Variants in SLC6A6 observed in about 807,000 individuals in gnomAD.
The protein encoded by SLC6A6 is solute carrier family 6 member 6.
SLC6A6 carries 16 observed loss-of-function variants against 68.8 expected under a neutral mutation model. The observed-to-expected ratio is 0.23, with a 90% confidence interval of 0.16 to 0.35. The LOEUF is 0.35. Ranked by LOEUF, SLC6A6 falls within the 10% of genes least tolerant of loss-of-function variation. The pLI is 1.00. For synonymous variants in SLC6A6, 312 were observed against 315.4 expected (o/e 0.99, Z 0.12); for missense variants, 474 against 802.8 (o/e 0.59, Z 4.95).
intron 3 of SLC6A6, 118 bp downstream of exon 3, chr3:14,443,981 G>T: frequency 1.4e-6 from 1 of 691,264 alleles, no homozygotes; most frequent in South Asian, 1.7e-5. Context: ...CCCCCCCCTT[G>T]ACCTCCATGA....
intron 6 of SLC6A6, among the ~76,000 whole-genome samples, chr3:14,465,040 C>T (rs745851718): frequency 7.9e-5 from 12 of 152,204 alleles, no homozygotes; most frequent in Admixed American, 1.3e-4. Context: ...TGTAAACCAC[C>T]GTCCTGGGGG....
intron 2 of SLC6A6, among the ~76,000 whole-genome samples, chr3:14,417,696 C>T (rs574423792): frequency 2.7e-4 from 41 of 149,482 alleles, no homozygotes; most frequent in African/African-American, 9.7e-4. Context: ...CGTGCCACTG[C>T]ACTCCAGCCT....
intron 4 of SLC6A6, among the ~76,000 whole-genome samples, chr3:14,447,221 TATCC>T (rs3836358): frequency 0.033 from 4,987 of 149,440 alleles, 195 homozygotes; most frequent in African/African-American, 0.095. Flanking sequence ...TCTATTCAGC[TATCC>T]ATCCATCCAT....
At chr3:14,415,240 C>G (rs1699336763) in intron 1 of SLC6A6, among the ~76,000 whole-genome samples, 1 of 152,246 alleles carries the variant, frequency 6.6e-6, no homozygotes, top group Non-Finnish European at 1.5e-5. Flanking sequence ...TGTTCCTACT[C>G]CACAGTGCCT....
At chr3:14,416,311 C>T (rs908373659) in intron 1 of SLC6A6, 101 bp from the exon 2 acceptor site, 2 of 397,934 alleles carry the variant, frequency 5.0e-6, no homozygotes, top group Non-Finnish European at 8.9e-6. Flanking sequence ...CCAGCACACA[C>T]GTCTGGTGGT....
chr3:14,469,096 C>T (rs1700694453), intron 9 of SLC6A6, among the ~76,000 whole-genome samples: 2 of 152,082 alleles, frequency 1.3e-5, no homozygotes, highest in Admixed American at 1.3e-4. Context: ...TTATGGGATT[C>T]CCTCAGGCTC....
chr3:14,484,365 T>G (rs1701086425), intron 14 of SLC6A6, among the ~76,000 whole-genome samples: 1 of 152,220 alleles, frequency 6.6e-6, no homozygotes, highest in South Asian at 2.1e-4. Flanking sequence ...AGGGAAGACC[T>G]GTCTCTGCAA....
At chr3:14,410,286 A>C (rs1358938980) in intron 1 of SLC6A6, among the ~76,000 whole-genome samples, 1 of 150,432 alleles carries the variant, frequency 6.6e-6, no homozygotes, top group Non-Finnish European at 1.5e-5. Context: ...CTTGACAGGG[A>C]GGGATTTAAG....
chr3:14,454,542 C>T (rs887955331), intron 5 of SLC6A6, among the ~76,000 whole-genome samples: 2 of 152,066 alleles, frequency 1.3e-5, no homozygotes, highest in East Asian at 1.9e-4. Context: ...CATGGCTGCC[C>T]GAGATGTCTT....
chr3:14,469,579 G>A (rs537573906), intron 9 of SLC6A6, among the ~76,000 whole-genome samples: 1 of 152,292 alleles, frequency 6.6e-6, no homozygotes, highest in East Asian at 1.9e-4. Flanking sequence ...CTACAACAGG[G>A]CTTTCTGAAC....
chr3:14,445,709 C>T lies in SLC6A6; in HGVS notation c.230-8C>T. 6.2e-7 allele frequency: 1 copy of T among 1,614,080 alleles called. No homozygotes were observed. The highest frequency in any genetic ancestry group is 2.2e-5 in the East Asian group (1 of 44,872). ...CAGCCTCACTTTTGCCCATTCTGCTCTCTGCAGGTGCGTTTCTCATACCGT... is the reference window on the plus strand; with the variant it reads ...CAGCCTCACTTTTGCCCATTCTGCTTTCTGCAGGTGCGTTTCTCATACCGT... On this transcript the variant is annotated splice_polypyrimidine_tract_variant and splice_region_variant and intron_variant, in intron 3 of 14. Coordinates refer to ENST00000622186, the MANE Select transcript of SLC6A6 (RefSeq NM_003043.6).
rs1021784268 is a variant in SLC6A6 at position 14,485,156 on chromosome 3, G to A, written c.*149G>A. On this transcript the variant is annotated 3_prime_UTR_variant, in exon 15 of 15. Coordinates refer to ENST00000622186, the MANE Select transcript of SLC6A6 (RefSeq NM_003043.6). ...AAAATGTAATTGTGGGTATGTGTGC[G>A]TGCGTGTGTGTGTGTGTGTGTATCG... The A allele has an allele frequency of 2.5e-4, 141 of 553,134 alleles. No individual in the cohort carries two copies. The highest frequency in any genetic ancestry group is 1.4e-3 in the East Asian group (47 of 32,982). 34.3% of individuals were successfully genotyped at this position (553,134 alleles called of 1,614,324 possible). A position where few individuals can be genotyped will look rare whatever the true frequency, so the allele number is the denominator to read the frequency against.
intron 2 of SLC6A6, among the ~76,000 whole-genome samples, chr3:14,427,343 G>A (rs528178398): frequency 5.9e-5 from 9 of 152,260 alleles, no homozygotes; most frequent in African/African-American, 2.2e-4. Context: ...ACCCTGTGAG[G>A]TCGATGCCAT....
rs555987861 is a variant in SLC6A6, at chr3:14,465,987, C to T, written c.733-529C>T. 1.5e-3 allele frequency among the ~76,000 whole-genome samples: 233 copies of T among 152,224 alleles called. 1 individual carries two copies. The highest frequency in any genetic ancestry group is 5.2e-3 in the African/African-American group (216 of 41,528). On this transcript the variant is annotated intron_variant, in intron 6 of 14. Coordinates refer to ENST00000622186, the MANE Select transcript of SLC6A6 (RefSeq NM_003043.6). ...TCAGTAAATCTGTGAGGTGGGCTGGCGCTGTGGCTCATGCCTATAATCCCA... is the reference window on the plus strand; with the variant it reads ...TCAGTAAATCTGTGAGGTGGGCTGGTGCTGTGGCTCATGCCTATAATCCCA...
intron 2 of SLC6A6, among the ~76,000 whole-genome samples, chr3:14,439,888 T>C (rs1286912502): frequency 6.6e-6 from 1 of 152,052 alleles, no homozygotes; most frequent in Non-Finnish European, 1.5e-5. Flanking sequence ...GAGGCTAAGC[T>C]CCTAAGGGTT....
At chr3:14,435,379 TG>T (rs1699829046) in intron 2 of SLC6A6, among the ~76,000 whole-genome samples, 1 of 152,084 alleles carries the variant, frequency 6.6e-6, no homozygotes, top group Non-Finnish European at 1.5e-5. Flanking sequence ...CGTACTTTGG[TG>T]GGGTGGAGGT....
chr3:14,443,231 G>A (rs1488294211), intron 2 of SLC6A6, among the ~76,000 whole-genome samples: 2 of 152,134 alleles, frequency 1.3e-5, no homozygotes, highest in East Asian at 3.8e-4. Context: ...ACTGCTTGCA[G>A]GCTGTTATTT....
Position 14,450,138 on chromosome 3 carries a change from C to A in SLC6A6, c.599+2322C>A, listed in dbSNP as rs1700222529. On this transcript the variant is annotated intron_variant, in intron 5 of 14. Transcript: ENST00000622186. The surrounding 1 kb of genome is among the most constrained non-coding windows in gnomAD (Gnocchi z 4.1). ...TTTGTGTGTTATGAACTTAAAGAAT[C>A]ACCCCCTATTGTAAAGGGGTCATCC... Among the ~76,000 whole-genome samples, 1 of 152,074 alleles carries A rather than the reference C, an allele frequency of 6.6e-6. No homozygotes were observed. Among genetic ancestry groups the A allele is most frequent in the Non-Finnish European group, 1.5e-5 (1 of 68,010 alleles).
In SLC6A6 at chr3:14,486,918, C is replaced by T. The variant is rs1477358181; in HGVS notation, c.*1911C>T. ...TATTCCAAACTCTCAACGATTCTAT[C>T]TTGTTCCTGTTTTTCTATGTATTTA... On this transcript the variant is annotated 3_prime_UTR_variant, in exon 15 of 15. Coordinates refer to ENST00000622186, the MANE Select transcript of SLC6A6 (RefSeq NM_003043.6). 1 of 152,298 alleles carries T rather than the reference C, an allele frequency of 6.6e-6. No individual in the cohort carries two copies. Among genetic ancestry groups the T allele is most frequent in the African/African-American group, 2.4e-5 (1 of 41,448 alleles). 9.4% of individuals were successfully genotyped at this position (152,298 alleles called of 1,614,324 possible).
Sources: gnomAD v4.1 joint callset for allele counts (sites outside exome capture counted in the v4.1 genomes callset) on GRCh38, gnomAD v4.1.1 for gene constraint, Gnocchi (gnomAD v3.1) non-coding constraint, MANE v1.5 for transcripts, NCBI Gene and HGNC (gene_info 2026-07-23, HGNC 2026-07-21) for gene names.